The following PALLD variants were observed in gnomAD, a reference collection of about 807,000 sequenced individuals.
PALLD encodes palladin, cytoskeletal associated protein.
In PALLD, 61 loss-of-function variants were observed where a neutral mutation model predicts 123.5. The observed-to-expected ratio is 0.49, with a 90% CI of 0.40 to 0.61. PALLD has a LOEUF of 0.61. Among genes scored for constraint, PALLD ranks in the 20% least tolerant of loss-of-function variants. The probability of loss-of-function intolerance (pLI) is 0.00; values close to 1 mark genes in which losing one functional copy is unlikely to be tolerated. For missense variants in PALLD, 1,273 were observed against 1,377.0 expected (o/e 0.92, Z 1.20); for synonymous variants, 465 against 496.4 (o/e 0.94, Z 0.84).
intron 10 of PALLD, among the ~76,000 whole-genome samples, chr4:168,809,707 T>C (rs1448446071): frequency 6.6e-6 from 1 of 151,956 alleles, no homozygotes; most frequent in East Asian, 1.9e-4. Context: ...CTACTAAAAA[T>C]ACAAAAATTA....
At chr4:168,748,256 G>A (rs976769201) in intron 10 of PALLD, among the ~76,000 whole-genome samples, 1 of 152,162 alleles carries the variant, frequency 6.6e-6, no homozygotes, top group African/African-American at 2.4e-5. Context: ...AGGAATTTGT[G>A]GAAAATGCAA....
At chr4:168,606,823 G>A (rs1773230147) in intron 2 of PALLD, among the ~76,000 whole-genome samples, 1 of 152,128 alleles carries the variant, frequency 6.6e-6, no homozygotes, top group South Asian at 2.1e-4. Context: ...CCTGGGGTGG[G>A]AACACCCATG....
intron 10 of PALLD, among the ~76,000 whole-genome samples, chr4:168,847,333 G>A (rs1040810918): frequency 1.3e-5 from 2 of 152,030 alleles, no homozygotes; most frequent in African/African-American, 4.8e-5. Flanking sequence ...AATAAAGAAT[G>A]GTTTATACTA....
Position 168,832,028 on chromosome 4 carries a change from A to C in PALLD, c.1965-58894A>C, listed in dbSNP as rs61733011. 8,797 of 985,320 alleles carry C rather than the reference A, an allele frequency of 8.9e-3. 627 individuals carry two copies. The African/African-American group carries it at 0.14, about 16-fold the overall frequency. 61.0% of individuals were successfully genotyped at this position (985,320 alleles called of 1,614,324 possible). On this transcript the variant is annotated intron_variant, in intron 10 of 21. Coordinates refer to ENST00000505667, the MANE Select transcript of PALLD (RefSeq NM_001166108.2). ...TCTTATTTTGAAGGGCGGCGGGTGA[A>C]GGCTCGGAGCCTCCTGAGTCACCCG...
chr4:168,624,223 AAAGT>A (rs1775025449), intron 2 of PALLD, among the ~76,000 whole-genome samples: 1 of 152,236 alleles, frequency 6.6e-6, no homozygotes, highest in Non-Finnish European at 1.5e-5. Flanking sequence ...CACATTAAAA[AAAGT>A]AATTACCATG....
intron 2 of PALLD, among the ~76,000 whole-genome samples, chr4:168,623,575 G>A (rs1404273884): frequency 6.6e-6 from 1 of 152,194 alleles, no homozygotes; most frequent in South Asian, 2.1e-4. Flanking sequence ...GATGGAGGCG[G>A]CGAACTGCCT....
intron 2 of PALLD, among the ~76,000 whole-genome samples, chr4:168,618,391 C>T (rs1231977382): frequency 1.3e-5 from 2 of 152,164 alleles, no homozygotes; most frequent in Non-Finnish European, 2.9e-5. Flanking sequence ...CTTCTCTGTG[C>T]CAATTAATCT....
chr4:168,682,543 C>T (rs1329541537), intron 4 of PALLD, among the ~76,000 whole-genome samples: 1 of 151,946 alleles, frequency 6.6e-6, no homozygotes, highest in African/African-American at 2.4e-5. Flanking sequence ...AATTAGAAAC[C>T]AGAAAAAAGA....
At chr4:168,594,531 A>T (rs1233628758) in intron 2 of PALLD, among the ~76,000 whole-genome samples, 1 of 152,184 alleles carries the variant, frequency 6.6e-6, no homozygotes, top group Non-Finnish European at 1.5e-5. Flanking sequence ...ATAGAGCTTA[A>T]TGAAACCGGT....
intron 2 of PALLD, among the ~76,000 whole-genome samples, chr4:168,570,896 A>T (rs1229640088): frequency 6.6e-6 from 1 of 152,186 alleles, no homozygotes; most frequent in Non-Finnish European, 1.5e-5. Flanking sequence ...GTTTTCTCCT[A>T]TCCACATTTA....
At chr4:168,719,167 A>G (rs1347816023) in intron 10 of PALLD, among the ~76,000 whole-genome samples, 3 of 151,328 alleles carry the variant, frequency 2.0e-5, no homozygotes, top group South Asian at 2.1e-4. Context: ...TGTCCTCCCA[A>G]AGTGCTGGGA....
At chr4:168,570,122 G>A (rs938754294) in intron 2 of PALLD, among the ~76,000 whole-genome samples, 2 of 152,108 alleles carry the variant, frequency 1.3e-5, no homozygotes, top group Admixed American at 6.6e-5. Flanking sequence ...GTTATTTACC[G>A]AGTACAAAGT....
intron 10 of PALLD, among the ~76,000 whole-genome samples, chr4:168,822,521 G>A (rs1396999911): frequency 6.6e-6 from 1 of 152,186 alleles, no homozygotes; most frequent in Non-Finnish European, 1.5e-5. Context: ...CTATGTTGCA[G>A]CCTTCAACCT....
At chr4:168,533,543 A>T (rs192627051) in intron 2 of PALLD, among the ~76,000 whole-genome samples, 4 of 152,306 alleles carry the variant, frequency 2.6e-5, no homozygotes. Flanking sequence ...CCAAAGGAGG[A>T]ATAGATTTCT....
chr4:168,731,463 G>A (rs1448175693), intron 10 of PALLD, among the ~76,000 whole-genome samples: 2 of 152,246 alleles, frequency 1.3e-5, no homozygotes, highest in East Asian at 1.9e-4. Context: ...AGAGGGAATC[G>A]TGACAGTACC....
chr4:168,702,365 A>G (rs1783757829), intron 8 of PALLD, among the ~76,000 whole-genome samples: 1 of 152,166 alleles, frequency 6.6e-6, no homozygotes, highest in Admixed American at 6.5e-5. Context: ...AGCCTGACCA[A>G]CATGGTGAAA....
At chr4:168,628,763 G>A (rs1214181912) in intron 2 of PALLD, among the ~76,000 whole-genome samples, 1 of 152,122 alleles carries the variant, frequency 6.6e-6, no homozygotes, top group East Asian at 1.9e-4. Context: ...GAATTAACTT[G>A]TTTAGTATGT....
intron 10 of PALLD, among the ~76,000 whole-genome samples, chr4:168,871,156 C>A (rs1751018684): frequency 6.6e-6 from 1 of 152,212 alleles, no homozygotes; most frequent in Admixed American, 6.5e-5. Context: ...GACTGCATAC[C>A]ACTGTTTTGG....
At chr4:168,800,842 C>A (rs1356673785) in intron 10 of PALLD, among the ~76,000 whole-genome samples, 1 of 152,114 alleles carries the variant, frequency 6.6e-6, no homozygotes, top group African/African-American at 2.4e-5. Context: ...CATAATAACC[C>A]CAAACTGGAA....
Sources: gnomAD v4.1 joint callset for allele counts (sites outside exome capture counted in the v4.1 genomes callset) on GRCh38, gnomAD v4.1.1 for gene constraint, MANE v1.5 for transcripts, NCBI Gene and HGNC (gene_info 2026-07-23, HGNC 2026-07-21) for gene names.